The following ASIC2 variants were observed in gnomAD, a reference collection of about 807,000 sequenced individuals.
The protein encoded by ASIC2 is acid-sensing ion channel 2.
Under a neutral mutation model 57.3 loss-of-function variants are expected in ASIC2, and 25 were observed. The ratio of observed to expected loss-of-function variants is 0.44; its 90% CI spans 0.32 to 0.61. The LOEUF (loss-of-function observed/expected upper bound fraction) is 0.61, where lower values mean the gene tolerates loss of function less well. ASIC2 is among the 20% of genes least tolerant of loss of function. The probability of loss-of-function intolerance (pLI) is 0.06; values close to 1 mark genes in which losing one functional copy is unlikely to be tolerated. For synonymous variants in ASIC2, 319 were observed against 307.5 expected (o/e 1.04, Z -0.39); for missense variants, 641 against 738.1 (o/e 0.87, Z 1.52).
At chr17:33,862,979 G>A (rs1914136560) in intron 1 of ASIC2, among the ~76,000 whole-genome samples, 1 of 152,180 alleles carries the variant, frequency 6.6e-6, no homozygotes, top group South Asian at 2.1e-4. Context: ...CATCACTGCA[G>A]CTCTTCCCCT....
chr17:33,593,931 G>GACCTCT (rs1904905671), intron 1 of ASIC2, among the ~76,000 whole-genome samples: 1 of 152,108 alleles, frequency 6.6e-6, no homozygotes, highest in African/African-American at 2.4e-5. Context: ...CAATATTCAG[G>GACCTCT]GAGTTTTAAA....
chr17:33,902,548 G>A (rs756626558), intron 1 of ASIC2, among the ~76,000 whole-genome samples: 113 of 152,290 alleles, frequency 7.4e-4, no homozygotes, highest in Middle Eastern at 3.4e-3. Flanking sequence ...TGTCCTTGTG[G>A]CTCTGCAGCC....
chr17:33,640,534 A>G (rs1322487599), intron 1 of ASIC2, among the ~76,000 whole-genome samples: 1 of 152,232 alleles, frequency 6.6e-6, no homozygotes, highest in Non-Finnish European at 1.5e-5. Flanking sequence ...AAGGACATAC[A>G]GAGTCCAGAA....
At chr17:33,120,847 T>A (rs984751818) in intron 1 of ASIC2, among the ~76,000 whole-genome samples, 9 of 152,184 alleles carry the variant, frequency 5.9e-5, no homozygotes, top group South Asian at 2.1e-4. Context: ...TGGTAGCTGG[T>A]GTACAGAAGG....
At chr17:33,682,251 G>C (rs1908032388) in intron 1 of ASIC2, among the ~76,000 whole-genome samples, 1 of 150,778 alleles carries the variant, frequency 6.6e-6, no homozygotes. Context: ...ATTTTTAGTA[G>C]AGACGGGGTT....
intron 1 of ASIC2, among the ~76,000 whole-genome samples, chr17:33,579,593 T>C (rs181838795): frequency 1.6e-3 from 240 of 152,034 alleles, no homozygotes; most frequent in African/African-American, 5.6e-3. Context: ...CTCTTAAAGA[T>C]GGTGTGTCGG....
At chr17:33,637,646 A>G (rs1291673417) in intron 1 of ASIC2, among the ~76,000 whole-genome samples, 1 of 152,200 alleles carries the variant, frequency 6.6e-6, no homozygotes, top group Non-Finnish European at 1.5e-5. Context: ...ACACAATGCT[A>G]TCTGTCAATT....
At chr17:33,695,545 G>T (rs187343496) in intron 1 of ASIC2, among the ~76,000 whole-genome samples, 1 of 152,312 alleles carries the variant, frequency 6.6e-6, no homozygotes, top group African/African-American at 2.4e-5. Context: ...TTAATGAGAT[G>T]CACTTTCAGA....
At chr17:34,081,303 C>T (rs1442068035) in intron 1 of ASIC2, among the ~76,000 whole-genome samples, 1 of 152,058 alleles carries the variant, frequency 6.6e-6, no homozygotes, top group Non-Finnish European at 1.5e-5. Flanking sequence ...AAGAAGGAAC[C>T]TAATGGGTAT....
At chr17:33,434,280 G>T (rs1185692717) in intron 1 of ASIC2, among the ~76,000 whole-genome samples, 1 of 151,978 alleles carries the variant, frequency 6.6e-6, no homozygotes, top group Non-Finnish European at 1.5e-5. Context: ...GCAAATACTA[G>T]ACATTATAAT....
rs75545533 is a variant in ASIC2, at chr17:33,157,930, C to T, written c.709-45863G>A. On this transcript the variant is annotated intron_variant, in intron 1 of 9. Coordinates refer to ENST00000225823, the MANE Select transcript of ASIC2 (RefSeq NM_183377.2). ...TCTCCCCAGGGGCTCACACTGCTTT[C>T]CTGAAAGCTCTCCAAGTACAGGCTT... Among the ~76,000 whole-genome samples, 530 of 152,336 alleles carry T rather than the reference C, an allele frequency of 3.5e-3. 8 individuals carry two copies. In the East Asian group the frequency reaches 0.051, roughly 15 times the overall value.
intron 1 of ASIC2, among the ~76,000 whole-genome samples, chr17:33,586,387 T>C (rs1904633974): frequency 6.6e-6 from 1 of 152,134 alleles, no homozygotes; most frequent in Admixed American, 6.5e-5. Context: ...GCTTCCTAAC[T>C]AGCATCTCTG....
chr17:33,040,367 G>A (rs898034571), intron 3 of ASIC2, among the ~76,000 whole-genome samples: 1 of 152,260 alleles, frequency 6.6e-6, no homozygotes, highest in Non-Finnish European at 1.5e-5. Context: ...AATGGTGTCA[G>A]CAATGCAATG....
chr17:33,591,796 C>T (rs1305217659), intron 1 of ASIC2, among the ~76,000 whole-genome samples: 4 of 152,166 alleles, frequency 2.6e-5, no homozygotes, highest in African/African-American at 9.7e-5. Flanking sequence ...ATGACTGTAG[C>T]TTTGCTGAGC....
rs192353685 is a variant in ASIC2 at position 33,838,179 on chromosome 17, C to T, written c.555+317799G>A. ...CTTCACTAGGGCAACTTTATCTCTG[C>T]ATCTTCACAGGGATTTGCACACAGA... On this transcript the variant is annotated intron_variant, in intron 1 of 9. Transcript: ENST00000359872. Among the ~76,000 whole-genome samples, 13 of 152,280 alleles carry T rather than the reference C, an allele frequency of 8.5e-5. No individual in the cohort carries two copies. In the East Asian group the frequency reaches 2.5e-3, roughly 29 times the overall value.
At chr17:33,867,772 G>A (rs1229552115) in intron 1 of ASIC2, among the ~76,000 whole-genome samples, 3 of 152,208 alleles carry the variant, frequency 2.0e-5, no homozygotes, top group Non-Finnish European at 4.4e-5. Flanking sequence ...AGAAGACACA[G>A]GGGTTCTTTT....
rs114857751 is a variant in ASIC2 at position 33,260,510 on chromosome 17, G to T, written c.708+30898C>A. On this transcript the variant is annotated intron_variant, in intron 1 of 9. Transcript: ENST00000225823. The stretch of plus-strand genomic sequence containing the variant: ...TGATGGTCTGGTGGTTTTTTTCCCT[G>T]CTGAACCTCATCACCTCCAACGGCC... Among the ~76,000 whole-genome samples, 363 of 152,252 alleles carry T rather than the reference G, an allele frequency of 2.4e-3. 4 individuals are homozygous for T. The highest frequency in any genetic ancestry group is 8.4e-3 in the African/African-American group (348 of 41,552).
chr17:33,609,855 G>A (rs1597806345), intron 1 of ASIC2, among the ~76,000 whole-genome samples: 1 of 152,102 alleles, frequency 6.6e-6, no homozygotes, highest in East Asian at 1.9e-4. Flanking sequence ...AAGAGAGGAA[G>A]GAGAGAGGGG....
intron 1 of ASIC2, among the ~76,000 whole-genome samples, chr17:33,575,487 C>A (rs1465097708): frequency 6.6e-6 from 1 of 152,170 alleles, no homozygotes; most frequent in Non-Finnish European, 1.5e-5. Context: ...AGGTAACTCT[C>A]CTTCTTTGAA....
Sources: allele counts gnomAD v4.1 joint callset (sites outside exome capture counted in the v4.1 genomes callset), GRCh38; gene constraint gnomAD v4.1.1; transcripts MANE v1.5; gene names NCBI Gene and HGNC (gene_info 2026-07-23, HGNC 2026-07-21).